Variants in SLC7A2 observed in about 807,000 individuals in gnomAD.
SLC7A2 encodes cationic amino acid transporter 2.
Under a neutral mutation model 58.9 loss-of-function variants are expected in SLC7A2, and 48 were observed. That is an observed-to-expected ratio of 0.82 (90% CI 0.65 to 1.04). SLC7A2 has a LOEUF of 1.04. Ranked by LOEUF, SLC7A2 falls within the 50% of genes least tolerant of loss-of-function variation. The probability of loss-of-function intolerance (pLI) is 0.00; values close to 1 mark genes in which losing one functional copy is unlikely to be tolerated. For missense variants in SLC7A2, 1,029 were observed against 818.8 expected, an observed-to-expected ratio of 1.26 and a Z score of -3.13; for synonymous variants, 363 against 314.5, an observed-to-expected ratio of 1.15 and a Z score of -1.63.
At chr8:17,540,048 C>T (rs1801843259) in intron 2 of SLC7A2, among the ~76,000 whole-genome samples, 1 of 152,136 alleles carries the variant, frequency 6.6e-6, no homozygotes, top group African/African-American at 2.4e-5. Context: ...TTGCCACACT[C>T]CTTTCATATA....
chr8:17,520,733 G>C (rs1338967713), intron 2 of SLC7A2: 1 of 930,338 alleles, frequency 1.1e-6, no homozygotes, highest in Non-Finnish European at 1.3e-6. Context: ...GGAGATGGGA[G>C]ATGAGAAGGA....
At chr8:17,557,042 A>G (rs1156468705) in intron 8 of SLC7A2, among the ~76,000 whole-genome samples, 1 of 152,210 alleles carries the variant, frequency 6.6e-6, no homozygotes, top group African/African-American at 2.4e-5. Flanking sequence ...GCCTATCTCT[A>G]AGATGGGGAT....
intron 4 of SLC7A2, among the ~76,000 whole-genome samples, chr8:17,545,730 C>G (rs1225594522): frequency 6.6e-6 from 1 of 152,058 alleles, no homozygotes; most frequent in Non-Finnish European, 1.5e-5. Flanking sequence ...TTCTTACCTG[C>G]AGTCCTGCTT....
chr8:17,533,796 C>T (rs959295320), intron 2 of SLC7A2, among the ~76,000 whole-genome samples: 4 of 152,148 alleles, frequency 2.6e-5, no homozygotes, highest in African/African-American at 7.2e-5. Context: ...ATGTGCAGGA[C>T]GTGCAGGTTT....
At chr8:17,552,025 C>A in intron 7 of SLC7A2, 39 bp downstream of exon 7, 1 of 1,546,174 alleles carries the variant, frequency 6.5e-7, no homozygotes, top group Non-Finnish European at 8.9e-7. Flanking sequence ...CTGTTTGGGA[C>A]TCTACAAAGT....
Position 17,565,160 on chromosome 8 carries a change from A to G in SLC7A2, c.*14A>G. 1 of 1,597,842 alleles carries G rather than the reference A, an allele frequency of 6.3e-7. No homozygotes were observed. The highest frequency in any genetic ancestry group is 1.7e-5 in the Admixed American group (1 of 59,466). On this transcript the variant is annotated 3_prime_UTR_variant, in exon 13 of 13. Coordinates refer to ENST00000494857, the MANE Select transcript of SLC7A2 (RefSeq NM_001370338.1). Reference sequence around the variant, plus strand: ...AGTGAATTCTAACACTTGCAGGAGCAGAGCTGGTCATCGTCTTAGCATACA... The same window carrying G: ...AGTGAATTCTAACACTTGCAGGAGCGGAGCTGGTCATCGTCTTAGCATACA...
Position 17,509,022 on chromosome 8 carries a change from G to T in SLC7A2, c.-23+6720G>T, listed in dbSNP as rs144692960. 3.0e-3 allele frequency among the ~76,000 whole-genome samples: 452 copies of T among 152,242 alleles called. 1 individual carries two copies. The highest frequency in any genetic ancestry group is 4.6e-3 in the Non-Finnish European group (311 of 68,030). ...TTGGAGATGCTGGTGGTGTAAGGCA[G>T]GCGAATGATATTACTAAAGTGGAGG... On this transcript the variant is annotated intron_variant, in intron 2 of 12. Coordinates refer to ENST00000494857, the MANE Select transcript of SLC7A2 (RefSeq NM_001370338.1).
chr8:17,524,481 A>G (rs549409290), intron 2 of SLC7A2, among the ~76,000 whole-genome samples: 1 of 152,106 alleles, frequency 6.6e-6, no homozygotes, highest in South Asian at 2.1e-4. Flanking sequence ...TCAGCCATAA[A>G]CAGGAATGAA....
chr8:17,556,419 G>T (rs554711416), intron 8 of SLC7A2, among the ~76,000 whole-genome samples: 6 of 152,052 alleles, frequency 3.9e-5, no homozygotes, highest in African/African-American at 1.2e-4. Context: ...AATTATAATA[G>T]ACCACTTTTT....
chr8:17,532,512 A>AT (rs1801502295), intron 2 of SLC7A2, among the ~76,000 whole-genome samples: 2 of 151,920 alleles, frequency 1.3e-5, no homozygotes, highest in South Asian at 4.1e-4. Context: ...CCTTTAGATT[A>AT]TTTTTTTGCT....
intron 4 of SLC7A2, among the ~76,000 whole-genome samples, chr8:17,544,849 A>G (rs1000964180): frequency 6.6e-6 from 1 of 152,230 alleles, no homozygotes; most frequent in Non-Finnish European, 1.5e-5. Flanking sequence ...CACACTAAAT[A>G]ATAGGATGAG....
At chr8:17,509,912 A>G (rs2517232) in intron 2 of SLC7A2, among the ~76,000 whole-genome samples, 150,264 of 152,120 alleles carry the variant, frequency 0.99, 74,231 homozygotes, top group East Asian at 1. Context: ...TTTCATTGGT[A>G]TGTGCATTAT....
In SLC7A2 at chr8:17,532,799, C is replaced by T. The variant is rs1801512410; in HGVS notation, c.-22-10519C>T. On this transcript the variant is annotated intron_variant, in intron 2 of 12. Coordinates refer to ENST00000494857, the MANE Select transcript of SLC7A2 (RefSeq NM_001370338.1). ...AAAATAAAAAGCATTAGACGCCCTG[C>T]AATCTAAGCAAAAATTTTAAAAATA... is the stretch of plus-strand genomic sequence containing the variant. Among the ~76,000 whole-genome samples the T allele has an allele frequency of 2.0e-5, 3 of 152,226 alleles. 1 individual carries two copies. In the South Asian group the frequency reaches 6.2e-4, roughly 32 times the overall value.
intron 2 of SLC7A2, among the ~76,000 whole-genome samples, chr8:17,524,524 G>GCAGCAACTTA (rs1801148949): frequency 6.6e-6 from 1 of 151,736 alleles, no homozygotes; most frequent in Non-Finnish European, 1.5e-5. Flanking sequence ...GGATGGAATT[G>GCAGCAACTTA]GATACTATCA....
rs891433177 is a variant in SLC7A2 at position 17,561,840 on chromosome 8, G to C, written c.1505-104G>C. On this transcript the variant is annotated intron_variant, in intron 10 of 12. Transcript: ENST00000494857. ...AAGACTCTTTGTATTTAGCCAAGTA[G>C]ATGTGTACAGAAGTCAGTGTTTTAT... is the stretch of plus-strand genomic sequence containing the variant. The C allele has an allele frequency of 1.7e-5, 18 of 1,028,682 alleles. No individual in the cohort carries two copies. The African/African-American group carries it at 2.2e-4, about 13-fold the overall frequency. The allele number at this position is 1,028,682 out of a possible 1,614,324, so 63.7% of individuals were successfully genotyped here. A position where few individuals can be genotyped will look rare whatever the true frequency, so the allele number is the denominator to read the frequency against.
At chr8:17,553,950 C>T (rs1802569937) in intron 7 of SLC7A2, among the ~76,000 whole-genome samples, 2 of 152,146 alleles carry the variant, frequency 1.3e-5, no homozygotes, top group South Asian at 4.1e-4. Flanking sequence ...GCTAACTTTT[C>T]ACTGTGGCCA....
intron 6 of SLC7A2, 22 bp from the exon 7 acceptor site, chr8:17,551,742 T>C: frequency 6.5e-7 from 1 of 1,541,778 alleles, no homozygotes; most frequent in Non-Finnish European, 9.0e-7. Context: ...AGCATACACA[T>C]CTTTTGTTTA....
chr8:17,503,646 C>T (rs945354349), intron 2 of SLC7A2, among the ~76,000 whole-genome samples: 10 of 151,646 alleles, frequency 6.6e-5, no homozygotes, highest in African/African-American at 2.4e-4. Context: ...TTGCAACTTG[C>T]CAAGGTACTT....
rs1001624474 is a variant in SLC7A2, at chr8:17,497,110, G to A, written c.-196G>A. ...GCCCTCCTTCTGCAGCGCGGCCGGC[G>A]GGCGCTCCTCTTCGCGGGACCAGCG... On this transcript the variant is annotated 5_prime_UTR_variant, in exon 1 of 13. Coordinates refer to ENST00000494857, the MANE Select transcript of SLC7A2 (RefSeq NM_001370338.1). 1 of 151,348 alleles carries A rather than the reference G, an allele frequency of 6.6e-6. No homozygotes were observed. The highest frequency in any genetic ancestry group is 2.4e-5 in the African/African-American group (1 of 41,356). 9.4% of individuals were successfully genotyped at this position (151,348 alleles called of 1,614,324 possible).
Sources: gnomAD v4.1 joint callset for allele counts (sites outside exome capture counted in the v4.1 genomes callset) on GRCh38, gnomAD v4.1.1 for gene constraint, MANE v1.5 for transcripts, NCBI Gene and HGNC (gene_info 2026-07-23, HGNC 2026-07-21) for gene names.